Variants in KCNN2 observed in about 807,000 individuals in gnomAD.
The protein encoded by KCNN2 is potassium calcium-activated channel subfamily N member 2.
Under a neutral mutation model 55.5 loss-of-function variants are expected in KCNN2, and 24 were observed. That is an observed-to-expected ratio of 0.43 (90% CI 0.31 to 0.61). KCNN2 has a LOEUF of 0.61. Ranked by LOEUF, KCNN2 falls within the 20% of genes least tolerant of loss-of-function variation. The probability of loss-of-function intolerance (pLI) is 0.08; values close to 1 mark genes in which losing one functional copy is unlikely to be tolerated. For synonymous variants in KCNN2, 431 were observed against 336.1 expected (o/e 1.28, Z -3.09); for missense variants, 754 against 853.6 (o/e 0.88, Z 1.45).
At chr5:114,342,442 T>A (rs1757033624) in intron 2 of KCNN2, among the ~76,000 whole-genome samples, 1 of 149,880 alleles carries the variant, frequency 6.7e-6, no homozygotes, top group Non-Finnish European at 1.5e-5. Flanking sequence ...CCATATGGTG[T>A]GTGCGTATTG....
chr5:114,364,687 C>A (rs1006598198), intron 2 of KCNN2, among the ~76,000 whole-genome samples: 14 of 149,050 alleles, frequency 9.4e-5, no homozygotes, highest in African/African-American at 3.5e-4. Flanking sequence ...CTGTTAGTAT[C>A]CATATCAGAA....
intron 2 of KCNN2, among the ~76,000 whole-genome samples, chr5:114,272,311 C>T (rs1189979093): frequency 5.3e-5 from 8 of 150,914 alleles, no homozygotes; most frequent in African/African-American, 7.4e-5. Flanking sequence ...ATATCACACA[C>T]ACACATATAT....
At chr5:114,235,114 T>C (rs1465660637) in intron 2 of KCNN2, among the ~76,000 whole-genome samples, 1 of 152,214 alleles carries the variant, frequency 6.6e-6, no homozygotes, top group Non-Finnish European at 1.5e-5. Context: ...CATTTCAAAG[T>C]CACCTCTCTG....
intron 1 of KCNN2, among the ~76,000 whole-genome samples, chr5:114,189,133 A>AGTGTGTGTGTGTGTGTGTGTGTGT (rs34640722): frequency 6.7e-6 from 1 of 150,000 alleles, no homozygotes; most frequent in South Asian, 2.1e-4. Context: ...TAGAACCAAT[A>AGTGTGTGTGTGTGTGTGTGTGTGT]GTGTGTGTGT....
intron 2 of KCNN2, among the ~76,000 whole-genome samples, chr5:114,271,961 G>A (rs1755347681): frequency 6.6e-6 from 1 of 152,144 alleles, no homozygotes; most frequent in East Asian, 1.9e-4. Context: ...TACCTGTAAA[G>A]CTCTTAGTGC....
intron 2 of KCNN2, among the ~76,000 whole-genome samples, chr5:114,334,260 ATGTGTGTGTGTGTG>A (rs56654295): frequency 0.085 from 11,727 of 138,242 alleles, 557 homozygotes; most frequent in Non-Finnish European, 0.1. Flanking sequence ...CATATGCCTG[ATGTGTGTGTGTGTG>A]TGTGTGTGTG....
At chr5:114,414,856 C>A (rs1319165292) in intron 3 of KCNN2, among the ~76,000 whole-genome samples, 5 of 152,182 alleles carry the variant, frequency 3.3e-5, no homozygotes, top group Non-Finnish European at 1.5e-5. Flanking sequence ...TAAACTCCAT[C>A]TATTTAAAGT....
chr5:114,356,251 T>C (rs1315437712), intron 2 of KCNN2, among the ~76,000 whole-genome samples: 1 of 152,146 alleles, frequency 6.6e-6, no homozygotes, highest in East Asian at 1.9e-4. Context: ...ACGGAGTTGA[T>C]GATAAAACCT....
intron 4 of KCNN2, among the ~76,000 whole-genome samples, chr5:114,469,408 A>G (rs1761611241): frequency 6.6e-6 from 1 of 152,184 alleles, no homozygotes; most frequent in Admixed American, 6.5e-5. Flanking sequence ...TAAATGCCCA[A>G]GCATCTTGAA....
chr5:114,221,339 T>C (rs58701710), intron 1 of KCNN2, among the ~76,000 whole-genome samples: 16,962 of 152,148 alleles, frequency 0.11, 1,204 homozygotes, highest in South Asian at 0.24. Context: ...TTACTGACAA[T>C]ATATGCTAGG....
At chr5:114,057,754 GA>G (rs1393652499) in intron 1 of KCNN2, among the ~76,000 whole-genome samples, 1 of 152,196 alleles carries the variant, frequency 6.6e-6, no homozygotes, top group African/African-American at 2.4e-5. Flanking sequence ...CTGAGACCCT[GA>G]AGAACTGAGA....
intron 1 of KCNN2, among the ~76,000 whole-genome samples, chr5:114,135,377 A>G (rs1752153992): frequency 1.3e-5 from 2 of 152,218 alleles, no homozygotes; most frequent in African/African-American, 2.4e-5. Flanking sequence ...CTGGGCACAT[A>G]TGAAGGAAGA....
intron 2 of KCNN2, among the ~76,000 whole-genome samples, chr5:114,325,153 A>C (rs4705662): frequency 0.3 from 45,733 of 152,072 alleles, 7,181 homozygotes; most frequent in Non-Finnish European, 0.35. Flanking sequence ...TTGAAGGTAC[A>C]GCTTTTTTTG....
intron 2 of KCNN2, among the ~76,000 whole-genome samples, chr5:114,278,997 C>T (rs1755560588): frequency 7.2e-6 from 1 of 138,370 alleles, no homozygotes; most frequent in Non-Finnish European, 1.6e-5. Context: ...GTTTGGCCTT[C>T]TTGGAAGCAA....
chr5:114,306,694 T>C (rs3112741), intron 2 of KCNN2, among the ~76,000 whole-genome samples: 5 of 53,648 alleles, frequency 9.3e-5, no homozygotes, highest in Admixed American at 6.9e-4. Context: ...TAAATTTTTT[T>C]TTTTTCTTTT....
intron 2 of KCNN2, among the ~76,000 whole-genome samples, chr5:114,257,817 A>C (rs1308147063): frequency 6.6e-6 from 1 of 152,044 alleles, no homozygotes; most frequent in Non-Finnish European, 1.5e-5. Context: ...TTATTTTCCA[A>C]TTTGGATGCC....
In KCNN2 at chr5:114,142,167, T is replaced by G. The variant is rs184419694; in HGVS notation, c.-270-79313T>G. 8.0e-3 allele frequency among the ~76,000 whole-genome samples: 1,224 copies of G among 152,318 alleles called. 11 individuals carry two copies. The highest frequency in any genetic ancestry group is 0.027 in the African/African-American group (1,140 of 41,564). On this transcript the variant is annotated intron_variant, in intron 1 of 10. Transcript: ENST00000512097. ...CCCATTTGTCAATTTTGGCTTTTGT[T>G]GCCATTGCTTTTGGTGTTTTAGACA...
chr5:114,298,522 T>C (rs765017895), intron 2 of KCNN2, among the ~76,000 whole-genome samples: 8 of 152,194 alleles, frequency 5.3e-5, no homozygotes, highest in Non-Finnish European at 1.0e-4. Context: ...TTCCAGACTT[T>C]AGGGTTTTGG....
intron 2 of KCNN2, among the ~76,000 whole-genome samples, chr5:114,365,378 G>C (rs1757570016): frequency 6.6e-6 from 1 of 152,052 alleles, no homozygotes; most frequent in South Asian, 2.1e-4. Context: ...AGTGATGGTT[G>C]GGCTTTTGAG....
Sources: gnomAD v4.1 joint callset for allele counts (sites outside exome capture counted in the v4.1 genomes callset) on GRCh38, gnomAD v4.1.1 for gene constraint, MANE v1.5 for transcripts, NCBI Gene and HGNC (gene_info 2026-07-23, HGNC 2026-07-21) for gene names.